The following AKAP19 variants were observed in gnomAD, a reference collection of about 807,000 sequenced individuals.
AKAP19 encodes small A-kinase anchoring protein.
chr2:189,978,508 C>A, the AKAP19 span, among the ~76,000 whole-genome samples: 2 of 152,152 alleles, frequency 1.3e-5, no homozygotes, highest in African/African-American at 4.8e-5. Flanking sequence ...GTAGTCCCAG[C>A]TACTCGGAAG....
the AKAP19 span, among the ~76,000 whole-genome samples, chr2:189,937,325 C>T: frequency 1.3e-5 from 2 of 151,934 alleles, no homozygotes; most frequent in Non-Finnish European, 2.9e-5. Context: ...TCCTTCAGAA[C>T]TTATTGAACT....
chr2:189,935,509 T>C, the AKAP19 span, among the ~76,000 whole-genome samples: 85 of 152,144 alleles, frequency 5.6e-4, no homozygotes, highest in Non-Finnish European at 6.6e-4. Flanking sequence ...TTTTCTAAAA[T>C]AATAGGTACA....
chr2:189,950,647 T>C, the AKAP19 span, among the ~76,000 whole-genome samples: 1 of 152,186 alleles, frequency 6.6e-6, no homozygotes, highest in African/African-American at 2.4e-5. Context: ...TTTTCTAAAG[T>C]CATCACACTA....
chr2:190,190,303 CATAT>C, the AKAP19 span, among the ~76,000 whole-genome samples: 4 of 152,278 alleles, frequency 2.6e-5, no homozygotes, highest in African/African-American at 9.6e-5. Flanking sequence ...TCTTGAAATT[CATAT>C]AAATATGATC....
chr2:189,989,439 T>TA, the AKAP19 span, among the ~76,000 whole-genome samples: 17 of 150,564 alleles, frequency 1.1e-4, no homozygotes, highest in African/African-American at 3.7e-4. Flanking sequence ...GATTAAAAAT[T>TA]AAAAAAAAAG....
At chr2:190,191,387 T>C in the AKAP19 span, among the ~76,000 whole-genome samples, 17,129 of 152,184 alleles carry the variant, frequency 0.11, 2,640 homozygotes, top group African/African-American at 0.35. Context: ...TCAGGTGATC[T>C]ACCCACCAAG....
the AKAP19 span, among the ~76,000 whole-genome samples, chr2:190,030,662 G>A: frequency 6.6e-6 from 1 of 152,170 alleles, no homozygotes; most frequent in Non-Finnish European, 1.5e-5. Context: ...AATTTCTCTT[G>A]TAGATGTGAC....
At chr2:190,201,331 T>G in the AKAP19 span, 2 of 166,866 alleles carry the variant, frequency 1.2e-5, no homozygotes, top group Non-Finnish European at 2.9e-5. Flanking sequence ...AACAGAAAAT[T>G]TGGGAGGGAG....
the AKAP19 span, among the ~76,000 whole-genome samples, chr2:190,006,011 TCTATTATTA>T: frequency 6.6e-6 from 1 of 152,246 alleles, no homozygotes; most frequent in East Asian, 1.9e-4. Context: ...CATATTAATT[TCTATTATTA>T]TCCAGTGGAG....
chr2:190,187,127 C>T, the AKAP19 span, among the ~76,000 whole-genome samples: 1 of 151,788 alleles, frequency 6.6e-6, no homozygotes, highest in African/African-American at 2.4e-5. Flanking sequence ...TTTTATTAAT[C>T]ACATCTACAC....
At chr2:190,134,305 G>A in the AKAP19 span, among the ~76,000 whole-genome samples, 1 of 151,904 alleles carries the variant, frequency 6.6e-6, no homozygotes, top group African/African-American at 2.4e-5. Flanking sequence ...CTGGGACCAG[G>A]GATGCAATAG....
At chr2:189,892,566 C>A in the AKAP19 span, among the ~76,000 whole-genome samples, 1 of 152,202 alleles carries the variant, frequency 6.6e-6, no homozygotes, top group Non-Finnish European at 1.5e-5. Context: ...GCAGAGGCTG[C>A]AGAGCAGCAA....
At chr2:189,951,865 A>G in the AKAP19 span, among the ~76,000 whole-genome samples, 1 of 152,204 alleles carries the variant, frequency 6.6e-6, no homozygotes, top group Non-Finnish European at 1.5e-5. Context: ...GACCTCTCAA[A>G]TGTTCTTATC....
chr2:189,938,838 T>C, the AKAP19 span, among the ~76,000 whole-genome samples: 18 of 152,290 alleles, frequency 1.2e-4, no homozygotes, highest in African/African-American at 4.3e-4. Context: ...TAAATACATA[T>C]ATCTACCCAC....
At chr2:190,043,787 G>A in the AKAP19 span, among the ~76,000 whole-genome samples, 1 of 152,184 alleles carries the variant, frequency 6.6e-6, no homozygotes, top group South Asian at 2.1e-4. Context: ...AGTTACCGGA[G>A]ATCTTATGTT....
chr2:189,883,151 A>T, the AKAP19 span, among the ~76,000 whole-genome samples: 5 of 152,282 alleles, frequency 3.3e-5, no homozygotes, highest in South Asian at 1.0e-3. Flanking sequence ...ATTGTTAGAC[A>T]CTGTGCCCAC....
chr2:190,029,898 C>G, the AKAP19 span, among the ~76,000 whole-genome samples: 1 of 152,092 alleles, frequency 6.6e-6, no homozygotes, highest in East Asian at 1.9e-4. Flanking sequence ...CAAATGTTAA[C>G]AGTAGATGGC....
At chr2:189,952,473 G>C in the AKAP19 span, among the ~76,000 whole-genome samples, 5 of 151,882 alleles carry the variant, frequency 3.3e-5, no homozygotes, top group Admixed American at 2.6e-4. Context: ...CTTAGAAATA[G>C]AAGTCATATT....
chr2:189,941,472 G>T, the AKAP19 span, among the ~76,000 whole-genome samples: 1 of 152,144 alleles, frequency 6.6e-6, no homozygotes, highest in African/African-American at 2.4e-5. Context: ...GTCAAAATGT[G>T]GGAGGGTGGC....
Sources: allele counts gnomAD v4.1 joint callset (sites outside exome capture counted in the v4.1 genomes callset), GRCh38; gene constraint gnomAD v4.1.1; transcripts MANE v1.5; gene names NCBI Gene and HGNC (gene_info 2026-07-23, HGNC 2026-07-21).